Variants in MATR3 observed in about 807,000 individuals in gnomAD.
The protein encoded by MATR3 is matrin 3.
MATR3 carries 4 observed loss-of-function variants against 85.5 expected under a neutral mutation model. The observed-to-expected ratio is 0.05, with a 90% confidence interval of 0.02 to 0.11. The LOEUF (loss-of-function observed/expected upper bound fraction) is 0.11, where lower values mean the gene tolerates loss of function less well. Ranked by LOEUF, MATR3 falls within the 10% of genes least tolerant of loss-of-function variation. The pLI, the probability that MATR3 is intolerant of heterozygous loss-of-function variation, is 1.00. For missense variants in MATR3, 685 were observed against 1,016.1 expected (o/e 0.67, Z 4.43); for synonymous variants, 336 against 343.1 (o/e 0.98, Z 0.23).
intron 3 of MATR3, among the ~76,000 whole-genome samples, chr5:139,288,020 A>G (rs1003063616): frequency 6.6e-6 from 1 of 152,076 alleles, no homozygotes; most frequent in African/African-American, 2.4e-5. Flanking sequence ...ACACCAGCCT[A>G]GGCAACATAA....
intron 14 of MATR3, among the ~76,000 whole-genome samples, chr5:139,328,573 A>G (rs2152031277): frequency 6.6e-6 from 1 of 152,316 alleles, no homozygotes; most frequent in South Asian, 2.1e-4. Flanking sequence ...TAATCATTTA[A>G]GTGTCATCTA....
upstream of MATR3, among the ~76,000 whole-genome samples, chr5:139,292,402 A>C (rs1398769300): frequency 6.6e-6 from 1 of 152,206 alleles, no homozygotes; most frequent in Non-Finnish European, 1.5e-5. Flanking sequence ...TATTATAATC[A>C]TTAACTGTGC....
At chr5:139,297,715 C>A (rs1754228002) in intron 1 of MATR3, among the ~76,000 whole-genome samples, 1 of 152,052 alleles carries the variant, frequency 6.6e-6, no homozygotes, top group Non-Finnish European at 1.5e-5. Flanking sequence ...GTACATCAAG[C>A]CCTAATGTTC....
chr5:139,313,132 G>A (rs1356491986), intron 2 of MATR3: 1 of 147,156 alleles, frequency 6.8e-6, no homozygotes, highest in Non-Finnish European at 1.5e-5. Flanking sequence ...CTCTAATTTA[G>A]TTCAGCTCTC....
In MATR3 at chr5:139,330,812, C is replaced by G. The variant is rs1379689454; in HGVS notation, c.*1417C>G. 2.2e-6 allele frequency: 1 copy of G among 453,372 alleles called. No individual in the cohort carries two copies. The highest frequency in any genetic ancestry group is 2.0e-5 in the African/African-American group (1 of 49,862). The allele number at this position is 453,372 out of a possible 1,614,324, so 28.1% of individuals were successfully genotyped here. A position where few individuals can be genotyped will look rare whatever the true frequency, so the allele number is the denominator to read the frequency against. On this transcript the variant is annotated 3_prime_UTR_variant, in exon 15 of 15. Coordinates refer to ENST00000394805, the MANE Select transcript of MATR3 (RefSeq NM_018834.6). ...CTGTTGTAAACAATTTTTTTTTCTT[C>G]CCTGACACAGGGTCTCACTCTGTCA...
At chr5:139,296,152 A>G (rs1203176653) in intron 1 of MATR3, among the ~76,000 whole-genome samples, 1 of 152,186 alleles carries the variant, frequency 6.6e-6, no homozygotes, top group Non-Finnish European at 1.5e-5. Context: ...AATGTGTCAG[A>G]TTTGCGTATA....
chr5:139,293,309 C>T (rs527579359), upstream of MATR3: 1 of 152,142 alleles, frequency 6.6e-6, no homozygotes, highest in Non-Finnish European at 1.5e-5. Flanking sequence ...ATCGTTTTCC[C>T]TTTGTGGCCC....
chr5:139,285,151 C>T (rs1561920892), intron 3 of MATR3: 1 of 152,152 alleles, frequency 6.6e-6, no homozygotes, highest in Non-Finnish European at 1.5e-5. Flanking sequence ...TAAATTTCTG[C>T]TTCTTCAATC....
chr5:139,275,933 C>T (rs1184482297), intron 1 of MATR3, among the ~76,000 whole-genome samples: 2 of 152,180 alleles, frequency 1.3e-5, no homozygotes, highest in Non-Finnish European at 2.9e-5. Flanking sequence ...TCTTTTGCTA[C>T]TATTGAACTG....
At position 139,307,961 on chromosome 5, in the gene MATR3, G is replaced by A. The variant is rs753071882; in HGVS notation, c.546G>A (p.Arg182=). 2.5e-6 allele frequency: 4 copies of A among 1,614,166 alleles called. No individual in the cohort carries two copies. In the East Asian group the frequency reaches 6.7e-5, roughly 27 times the overall value. ...CTAGGGATGATTGGGAAGAAAAAAG[G>A]CACTTTAGAAGAGATAGTTTTGATG... ...RVPRDDWEEK[R]HFRRDSFDDR... is the part of the protein sequence containing the mutation. Residue 182 remains arginine (R), a synonymous_variant, in exon 2 of 15, where the codon AGG becomes AGA. Transcript: ENST00000394805. This position sits in a 1 kb window ranked among gnomAD's most constrained non-coding sequence, Gnocchi z 4.4.
intron 1 of MATR3, among the ~76,000 whole-genome samples, chr5:139,297,360 A>G (rs1754209590): frequency 6.6e-6 from 1 of 152,206 alleles, no homozygotes; most frequent in South Asian, 2.1e-4. Flanking sequence ...ATTATTAGCT[A>G]TGTAGCAAAC....
intron 12 of MATR3, among the ~76,000 whole-genome samples, chr5:139,323,500 C>T (rs1173388706): frequency 6.6e-6 from 1 of 152,178 alleles, no homozygotes; most frequent in East Asian, 1.9e-4. Context: ...TAAAAATACA[C>T]ACATGCTATA....
In MATR3 at chr5:139,321,082, A is replaced by T. The variant is rs548052886; in HGVS notation, c.1603-816A>T. ...CTTATTACTTTTTTGCAGAGTGTAT[A>T]TAGATGGCTTAGTATTTGGCACTAA... On this transcript the variant is annotated intron_variant, in intron 9 of 14. Transcript: ENST00000394805. 2.0e-5 allele frequency among the ~76,000 whole-genome samples: 3 copies of T among 151,486 alleles called. No homozygotes were observed. In the East Asian group the frequency reaches 5.9e-4, roughly 30 times the overall value.
At chr5:139,315,844 T>A in intron 4 of MATR3, 106 bp downstream of exon 4, 1 of 994,472 alleles carries the variant, frequency 1.0e-6, no homozygotes, top group Non-Finnish European at 1.6e-6. Context: ...ATTTCTTTAC[T>A]GAAAATGAGA....
rs1048077017 is a variant in MATR3 at position 139,319,139 on chromosome 5, C to A, written c.1434+106C>A. On this transcript the variant is annotated intron_variant, in intron 8 of 14. Transcript: ENST00000394805. ...TGCTAAGGCCAGGTGTGGTGGCTCA[C>A]GCCTGTAATCCCAGCACCTTGGGAG... The A allele has an allele frequency of 1.2e-5, 16 of 1,344,064 alleles. No homozygotes were observed. In the African/African-American group the frequency reaches 2.2e-4, roughly 18 times the overall value. 83.3% of individuals were successfully genotyped at this position (1,344,064 alleles called of 1,614,324 possible). A position where few individuals can be genotyped will look rare whatever the true frequency, so the allele number is the denominator to read the frequency against.
At chr5:139,296,974 C>A (rs1269630053) in intron 1 of MATR3, among the ~76,000 whole-genome samples, 1 of 152,138 alleles carries the variant, frequency 6.6e-6, no homozygotes, top group Non-Finnish European at 1.5e-5. Flanking sequence ...GTTCTGAGAC[C>A]AGCTTGCCCA....
intron 3 of MATR3, among the ~76,000 whole-genome samples, chr5:139,281,151 T>G (rs1000178802): frequency 6.6e-6 from 1 of 151,580 alleles, no homozygotes; most frequent in Non-Finnish European, 1.5e-5. Flanking sequence ...GCTGGGACTA[T>G]AGGCATGTGC....
intron 1 of MATR3, among the ~76,000 whole-genome samples, chr5:139,298,175 TC>T (rs1754257001): frequency 6.6e-6 from 1 of 152,224 alleles, no homozygotes; most frequent in South Asian, 2.1e-4. Context: ...ATATTAACCG[TC>T]CCTCTTAACA....
chr5:139,301,840 A>C (rs550531252), intron 1 of MATR3, among the ~76,000 whole-genome samples: 1 of 152,170 alleles, frequency 6.6e-6, no homozygotes, highest in African/African-American at 2.4e-5. Context: ...TTTTAAACCT[A>C]GGAAGAAGAC....
Sources: allele counts gnomAD v4.1 joint callset (sites outside exome capture counted in the v4.1 genomes callset), GRCh38; gene constraint gnomAD v4.1.1; non-coding constraint Gnocchi (gnomAD v3.1); transcripts MANE v1.5; gene names NCBI Gene and HGNC (gene_info 2026-07-23, HGNC 2026-07-21).